The following ANKS1B variants were observed in gnomAD, a reference collection of about 807,000 sequenced individuals.
ANKS1B encodes the protein ankyrin repeat and sterile alpha motif domain-containing protein 1B.
A neutral mutation model predicts 148.3 loss-of-function variants in ANKS1B; 36 were observed. The observed-to-expected ratio is 0.24, with a 90% CI of 0.19 to 0.32. ANKS1B has a LOEUF of 0.32. Among genes scored for constraint, ANKS1B ranks in the 10% least tolerant of loss-of-function variants. The pLI is 1.00. For missense variants in ANKS1B, 1,157 were observed against 1,542.6 expected (o/e 0.75, Z 4.19); for synonymous variants, 542 against 560.8 (o/e 0.97, Z 0.47).
chr12:99,083,720 T>C (rs1339675377), intron 16 of ANKS1B: 2 of 152,202 alleles, frequency 1.3e-5, no homozygotes, highest in African/African-American at 4.8e-5. Flanking sequence ...ACAAATCCCA[T>C]TGGATTTTAA....
At chr12:99,967,037 A>G (rs1004623363) in intron 1 of ANKS1B, among the ~76,000 whole-genome samples, 2 of 152,188 alleles carry the variant, frequency 1.3e-5, no homozygotes, top group Non-Finnish European at 2.9e-5. Flanking sequence ...ACCATTAAAG[A>G]TTTAGGTTAA....
At chr12:99,383,341 C>T (rs762993728) in intron 12 of ANKS1B, among the ~76,000 whole-genome samples, 11 of 152,254 alleles carry the variant, frequency 7.2e-5, no homozygotes, top group African/African-American at 2.4e-4. Flanking sequence ...ATTTATGTGG[C>T]GATGAAAATG....
At chr12:99,246,930 G>A in intron 12 of ANKS1B, 66 bp from the exon 13 acceptor site, 3 of 1,225,690 alleles carry the variant, frequency 2.4e-6, no homozygotes, top group Non-Finnish European at 2.3e-6. Flanking sequence ...TAATAGCAGT[G>A]CCCTTATGAA....
intron 1 of ANKS1B, among the ~76,000 whole-genome samples, chr12:99,982,735 C>T (rs2095721304): frequency 6.6e-6 from 1 of 152,176 alleles, no homozygotes; most frequent in African/African-American, 2.4e-5. Flanking sequence ...ACACACAAGT[C>T]ATCTCTATGA....
At chr12:99,252,693 G>T (rs1674612217) in intron 12 of ANKS1B, among the ~76,000 whole-genome samples, 2 of 152,162 alleles carry the variant, frequency 1.3e-5, no homozygotes. Context: ...AAAGGAGAGG[G>T]TCTTGTGCTA....
chr12:99,745,933 T>C (rs1308118918), intron 8 of ANKS1B, among the ~76,000 whole-genome samples: 1 of 152,078 alleles, frequency 6.6e-6, no homozygotes, highest in Non-Finnish European at 1.5e-5. Flanking sequence ...TATTTAATGG[T>C]GTTCAAAAAA....
chr12:99,629,878 C>T (rs769160924), intron 9 of ANKS1B, among the ~76,000 whole-genome samples: 9 of 151,980 alleles, frequency 5.9e-5, no homozygotes, highest in Non-Finnish European at 1.3e-4. Flanking sequence ...CTTTTACAAG[C>T]AATGAAAAAA....
At chr12:98,799,230 A>C (rs1351817053) in intron 21 of ANKS1B, among the ~76,000 whole-genome samples, 1 of 152,176 alleles carries the variant, frequency 6.6e-6, no homozygotes, top group Non-Finnish European at 1.5e-5. Context: ...CTTTATAATG[A>C]AACTGCAACA....
At chr12:99,195,947 AAG>A (rs1311690063) in intron 14 of ANKS1B, among the ~76,000 whole-genome samples, 4 of 152,146 alleles carry the variant, frequency 2.6e-5, no homozygotes, top group South Asian at 4.1e-4. Context: ...TTTATATGCA[AAG>A]ATACCTAAAG....
intron 9 of ANKS1B, among the ~76,000 whole-genome samples, chr12:99,603,352 G>T (rs1354416692): frequency 2.0e-5 from 3 of 152,048 alleles, no homozygotes; most frequent in Admixed American, 6.6e-5. Context: ...TGCTCAAGGG[G>T]TCCAAAATAT....
At chr12:99,508,876 T>A (rs1399908896) in intron 9 of ANKS1B, among the ~76,000 whole-genome samples, 1 of 151,920 alleles carries the variant, frequency 6.6e-6, no homozygotes, top group Non-Finnish European at 1.5e-5. Context: ...TTTACAGATA[T>A]TGCATTTTTA....
At chr12:99,226,329 G>A (rs764337194) in intron 14 of ANKS1B, among the ~76,000 whole-genome samples, 2 of 152,186 alleles carry the variant, frequency 1.3e-5, no homozygotes, top group Non-Finnish European at 2.9e-5. Context: ...AACAGTAGAT[G>A]ATAGGTATTT....
intron 9 of ANKS1B, among the ~76,000 whole-genome samples, chr12:99,650,256 A>G (rs1490302769): frequency 1.1e-5 from 1 of 92,956 alleles, no homozygotes; most frequent in Non-Finnish European, 2.7e-5. Context: ...CTGTTTTCCA[A>G]AATATAAAAT....
At chr12:99,603,057 T>G (rs1361198041) in intron 9 of ANKS1B, among the ~76,000 whole-genome samples, 1 of 152,082 alleles carries the variant, frequency 6.6e-6, no homozygotes, top group African/African-American at 2.4e-5. Context: ...TTGACCATTT[T>G]CTTTGAGATG....
intron 8 of ANKS1B, among the ~76,000 whole-genome samples, chr12:99,710,186 T>C (rs938026474): frequency 1.3e-5 from 2 of 152,148 alleles, no homozygotes; most frequent in Admixed American, 6.5e-5. Flanking sequence ...TGGGAAAACA[T>C]CTGTACCATA....
chr12:99,577,371 A>T (rs2097529171), intron 9 of ANKS1B, among the ~76,000 whole-genome samples: 1 of 151,554 alleles, frequency 6.6e-6, no homozygotes, highest in Non-Finnish European at 1.5e-5. Context: ...AAGAAAAAAA[A>T]TAAACAACAT....
At chr12:98,919,107 CTT>C in intron 17 of ANKS1B, among the ~76,000 whole-genome samples, 1 of 152,086 alleles carries the variant, frequency 6.6e-6, no homozygotes, top group South Asian at 2.1e-4. Flanking sequence ...GGAAAAAAAT[CTT>C]TTTCTGTTTT....
chr12:99,162,299 T>C (rs997171490), intron 14 of ANKS1B, among the ~76,000 whole-genome samples: 11 of 152,240 alleles, frequency 7.2e-5, no homozygotes, highest in Non-Finnish European at 1.6e-4. Flanking sequence ...AATTGTACCT[T>C]TTAAATCAGT....
intron 1 of ANKS1B, among the ~76,000 whole-genome samples, chr12:99,953,793 G>A (rs1352398185): frequency 1.3e-5 from 2 of 152,120 alleles, no homozygotes; most frequent in Non-Finnish European, 2.9e-5. Context: ...GAAAGAGAAA[G>A]AATAAAAGCA....
Sources: allele counts gnomAD v4.1 joint callset (sites outside exome capture counted in the v4.1 genomes callset), GRCh38; gene constraint gnomAD v4.1.1; transcripts MANE v1.5; gene names NCBI Gene and HGNC (gene_info 2026-07-23, HGNC 2026-07-21).